The following TMPRSS13 variants were observed in gnomAD, a reference collection of about 807,000 sequenced individuals.
TMPRSS13 encodes transmembrane serine protease 13.
TMPRSS13 carries 50 observed loss-of-function variants against 68.4 expected under a neutral mutation model. The ratio of observed to expected loss-of-function variants is 0.73; its 90% CI spans 0.58 to 0.93. The LOEUF is 0.93. TMPRSS13 is among the 40% of genes least tolerant of loss of function. TMPRSS13 has a pLI of 0.00. For missense variants in TMPRSS13, 615 were observed against 729.2 expected (o/e 0.84, Z 1.80); for synonymous variants, 267 against 285.8 (o/e 0.93, Z 0.66).
chr11:117,904,829 G>T (rs904916808), intron 10 of TMPRSS13, among the ~76,000 whole-genome samples: 14 of 139,510 alleles, frequency 1.0e-4, no homozygotes, highest in African/African-American at 3.7e-4. Context: ...AGTGACTGCT[G>T]CTTCCTTACC....
intron 1 of TMPRSS13, among the ~76,000 whole-genome samples, chr11:117,923,336 T>TTACC (rs1308673253): frequency 2.0e-5 from 3 of 152,146 alleles, no homozygotes; most frequent in Non-Finnish European, 4.4e-5. Context: ...CCTTGGGCCG[T>TTACC]TACCTGGTGG....
chr11:117,917,360 CAGGA>C, intron 2 of TMPRSS13, 86 bp from the exon 3 acceptor site: 1 of 1,063,088 alleles, frequency 9.4e-7, no homozygotes, highest in Non-Finnish European at 1.4e-6. Context: ...GACTGTGGCC[CAGGA>C]GGGCCCCGTG....
At chr11:117,916,151 G>A (rs1005230803) in intron 3 of TMPRSS13, among the ~76,000 whole-genome samples, 1 of 152,268 alleles carries the variant, frequency 6.6e-6, no homozygotes, top group South Asian at 2.1e-4. Flanking sequence ...CTCTTTAACA[G>A]AATCCTTACT....
chr11:117,903,999 A>G lies in TMPRSS13; in HGVS notation c.1484T>C (p.Met495Thr), dbSNP rs762767476. 23 of 1,613,278 alleles carry G rather than the reference A, an allele frequency of 1.4e-5. No individual in the cohort carries two copies. The highest frequency in any genetic ancestry group is 1.9e-5 in the Non-Finnish European group (23 of 1,179,734). Residue 495 changes from methionine (M) to threonine (T), a missense_variant, in exon 11 of 13, where the codon ATG becomes ACG. Transcript: ENST00000524993. ...GCCCCCACGAAGGTCCCCAGCACAC[A>G]TCATCCTTGGGGTAAGGTAACTGTC... ...VYDSYLTPRM[M>T]CAGDLRGGRD...
At chr11:117,919,584 A>G (rs2057622483) in intron 1 of TMPRSS13, among the ~76,000 whole-genome samples, 2 of 152,232 alleles carry the variant, frequency 1.3e-5, no homozygotes, top group African/African-American at 2.4e-5. Flanking sequence ...TCTTTTGTGC[A>G]CACTCTAAGT....
At position 117,901,238 on chromosome 11, in the gene TMPRSS13, G is replaced by A. The variant is rs966371595; in HGVS notation, c.*1001C>T. 6.6e-6 allele frequency: 1 copy of A among 152,632 alleles called. No individual in the cohort carries two copies. Among genetic ancestry groups the A allele is most frequent in the Non-Finnish European group, 1.5e-5 (1 of 68,042 alleles). 9.5% of individuals were successfully genotyped at this position (152,632 alleles called of 1,614,324 possible). ...GCCCCTGGGAGCCTACGCGGGAACA[G>A]CATCTGTTTCTTAACGCCTTCGTCA... On this transcript the variant is annotated 3_prime_UTR_variant, in exon 13 of 13. Transcript: ENST00000524993.
Position 117,910,722 on chromosome 11 carries a change from A to T in TMPRSS13, c.931T>A (p.Ser311Thr), listed in dbSNP as rs1263803132. The change falls in exon 7 of 13, where the codon TCT becomes ACT. Residue 311 changes from serine (S) to threonine (T), a missense_variant. Ser to Thr is a moderately conservative substitution (Grantham distance 58). Coordinates refer to ENST00000524993, the MANE Select transcript of TMPRSS13 (RefSeq NM_001077263.3). ...RSECPSQRYI[S>T]LQCSHCGLRA... Reference sequence around the variant, plus strand: ...AACATCTTACGGGAACACTGGAGAGAGATATACCGCTGGGAAGGGCATTCA... The same window carrying T: ...AACATCTTACGGGAACACTGGAGAGTGATATACCGCTGGGAAGGGCATTCA... The T allele has an allele frequency of 6.2e-7, 1 of 1,608,976 alleles. No individual in the cohort carries two copies. Among genetic ancestry groups the T allele is most frequent in the East Asian group, 2.2e-5 (1 of 44,764 alleles).
At position 117,901,830 on chromosome 11, in the gene TMPRSS13, C is replaced by T. The variant is rs947690027; in HGVS notation, c.*409G>A. On this transcript the variant is annotated 3_prime_UTR_variant, in exon 13 of 13. Coordinates refer to ENST00000524993, the MANE Select transcript of TMPRSS13 (RefSeq NM_001077263.3). ...CCATCCCAGGACAGCAATGGCGCCA[C>T]CTGGGCCGCTGGCATCTGCCCACAC... 1.4e-5 allele frequency: 3 copies of T among 208,306 alleles called. No homozygotes were observed. Among genetic ancestry groups the T allele is most frequent in the African/African-American group, 6.8e-5 (3 of 44,394 alleles). 12.9% of individuals were successfully genotyped at this position (208,306 alleles called of 1,614,324 possible).
rs199598229 is a variant in TMPRSS13 at position 117,905,670 on chromosome 11, A to G, written c.1349T>C (p.Ile450Thr). ...QTFSLNETCW[I>T]TGFGKTRETD... ...CTCCCTGGTCTTGCCAAAGCCTGTGATCCAGCAGGTCTCATTGAGGCTAAA... is the reference window on the plus strand; with the variant it reads ...CTCCCTGGTCTTGCCAAAGCCTGTGGTCCAGCAGGTCTCATTGAGGCTAAA... The change falls in exon 10 of 13, where the codon ATC becomes ACC. Residue 450 changes from isoleucine to threonine, a missense_variant. Transcript: ENST00000524993. 2 of 1,605,630 alleles carry G rather than the reference A, an allele frequency of 1.2e-6. No homozygotes were observed. Among genetic ancestry groups the G allele is most frequent in the Non-Finnish European group, 8.5e-7 (1 of 1,175,168 alleles).
intron 3 of TMPRSS13, 128 bp downstream of exon 3, chr11:117,917,042 C>T (rs951258612): frequency 2.6e-6 from 2 of 779,782 alleles, no homozygotes; most frequent in African/African-American, 1.7e-5. Flanking sequence ...AGGAGTGTCC[C>T]TCTCTGGACA....
chr11:117,926,045 G>A (rs1329482744), intron 1 of TMPRSS13, among the ~76,000 whole-genome samples: 2 of 151,980 alleles, frequency 1.3e-5, no homozygotes, highest in Non-Finnish European at 2.9e-5. Context: ...CGAGGTGAAG[G>A]CTGCACACCT....
At chr11:117,917,111 G>T in intron 3 of TMPRSS13, 59 bp downstream of exon 3, 1 of 1,424,514 alleles carries the variant, frequency 7.0e-7, no homozygotes, top group Non-Finnish European at 9.7e-7. Context: ...CCCCATCCCT[G>T]GGTCCCACTC....
In TMPRSS13 at chr11:117,914,631, G is replaced by A. The variant is rs1007412763; in HGVS notation, c.557-117C>T. The A allele has an allele frequency of 6.6e-7, 1 of 1,524,106 alleles. No homozygotes were observed. The highest frequency in any genetic ancestry group is 8.8e-7 in the Non-Finnish European group (1 of 1,135,400). The allele number at this position is 1,524,106 out of a possible 1,614,324, so 94.4% of individuals were successfully genotyped here. A position where few individuals can be genotyped will look rare whatever the true frequency, so the allele number is the denominator to read the frequency against. On this transcript the variant is annotated intron_variant, in intron 3 of 12. Coordinates refer to ENST00000524993, the MANE Select transcript of TMPRSS13 (RefSeq NM_001077263.3). The surrounding 1 kb of genome is among the most constrained non-coding windows in gnomAD (Gnocchi z 4.2). ...GACCTGCAATCCCTCTTGAACTCTG[G>A]GGCTCTCATCCCCCATCTGTATGGA...
In TMPRSS13 at chr11:117,904,059, A is replaced by T; in HGVS notation, c.1424T>A (p.Ile475Asn). 1 of 1,614,152 alleles carries T rather than the reference A, an allele frequency of 6.2e-7. No individual in the cohort carries two copies. Among genetic ancestry groups the T allele is most frequent in the Non-Finnish European group, 8.5e-7 (1 of 1,180,010 alleles). The change falls in exon 11 of 13, where the codon ATC becomes AAC. Residue 475 changes from isoleucine (I) to asparagine (N), a missense_variant. Ile to Asn is a moderately radical substitution (Grantham distance 149, BLOSUM62 -3). Transcript: ENST00000524993. The part of the protein sequence containing the change: ...PFLREVQVNL[I>N]DFKKCNDYLV... ...GTAGTCATTGCATTTCTTGAAGTCGATGAGATTGACCTGCACCTCCCGGAG... is the reference window on the plus strand; with the variant it reads ...GTAGTCATTGCATTTCTTGAAGTCGTTGAGATTGACCTGCACCTCCCGGAG...
At chr11:117,926,474 C>T (rs927697605) in intron 1 of TMPRSS13, among the ~76,000 whole-genome samples, 1 of 152,202 alleles carries the variant, frequency 6.6e-6, no homozygotes, top group East Asian at 1.9e-4. Context: ...ATCCCTAGCA[C>T]CTGTGGCCTT....
At chr11:117,903,279 G>A (rs147202343) in intron 12 of TMPRSS13, 389 of 1,257,094 alleles carry the variant, frequency 3.1e-4, no homozygotes, top group South Asian at 7.8e-4. Flanking sequence ...CATGAAGAGC[G>A]GATTCCCATG....
intron 11 of TMPRSS13, 50 bp downstream of exon 11, chr11:117,903,898 ACCCCTGCCTCC>A: frequency 6.3e-7 from 1 of 1,594,726 alleles, no homozygotes; most frequent in Non-Finnish European, 8.5e-7. Context: ...CAGCCCCAAC[ACCCCTGCCTCC>A]CCCATCCCCA....
At chr11:117,927,953 C>T (rs2057722745) in intron 1 of TMPRSS13, among the ~76,000 whole-genome samples, 1 of 152,218 alleles carries the variant, frequency 6.6e-6, no homozygotes, top group African/African-American at 2.4e-5. Context: ...CCTCCAGCAG[C>T]CTTCATGTTG....
At chr11:117,910,487 G>T in intron 7 of TMPRSS13, 1 of 518,036 alleles carries the variant, frequency 1.9e-6, no homozygotes, top group Non-Finnish European at 3.5e-6. Context: ...GGAATAAAAG[G>T]TTGCTGGGCT....
Sources: gnomAD v4.1 joint callset for allele counts (sites outside exome capture counted in the v4.1 genomes callset) on GRCh38, gnomAD v4.1.1 for gene constraint, Gnocchi (gnomAD v3.1) non-coding constraint, MANE v1.5 for transcripts, NCBI Gene and HGNC (gene_info 2026-07-23, HGNC 2026-07-21) for gene names.